The following ADAM23 variants were observed in gnomAD, a reference collection of about 807,000 sequenced individuals.
The protein encoded by ADAM23 is ADAM metallopeptidase domain 23, also known as disintegrin and metalloproteinase domain-containing protein 23.
Under a neutral mutation model 120.1 loss-of-function variants are expected in ADAM23, and 33 were observed. The observed-to-expected ratio is 0.27, with a 90% CI of 0.21 to 0.37. ADAM23 has a LOEUF of 0.37. Ranked by LOEUF, ADAM23 falls within the 10% of genes least tolerant of loss-of-function variation. The pLI is 1.00. For missense variants in ADAM23, 862 were observed against 1,058.2 expected, an observed-to-expected ratio of 0.81 and a Z score of 2.57; for synonymous variants, 367 against 375.2, an observed-to-expected ratio of 0.98 and a Z score of 0.25.
At chr2:206,586,786 C>T (rs1170794417) in intron 18 of ADAM23, among the ~76,000 whole-genome samples, 1 of 152,170 alleles carries the variant, frequency 6.6e-6, no homozygotes, top group Admixed American at 6.5e-5. Context: ...ACATCACAGA[C>T]TGTTCTAGTA....
intron 25 of ADAM23, among the ~76,000 whole-genome samples, chr2:206,617,121 C>G (rs1484831500): frequency 6.6e-6 from 1 of 152,112 alleles, no homozygotes; most frequent in African/African-American, 2.4e-5. Flanking sequence ...TTTTTGCCAC[C>G]TTGGTAAAGG....
intron 3 of ADAM23, among the ~76,000 whole-genome samples, chr2:206,497,770 A>G (rs1388574826): frequency 5.3e-5 from 8 of 152,198 alleles, no homozygotes; most frequent in Admixed American, 5.2e-4. Context: ...TCTCAGCCCA[A>G]AATCTCCTTA....
intron 3 of ADAM23, among the ~76,000 whole-genome samples, chr2:206,502,846 G>A (rs1034757159): frequency 1.3e-5 from 2 of 152,040 alleles, no homozygotes; most frequent in African/African-American, 4.8e-5. Context: ...ATGTTTAAAG[G>A]TCTGTCTGTA....
At chr2:206,576,824 A>G (rs1381853004) in intron 18 of ADAM23, among the ~76,000 whole-genome samples, 2 of 152,218 alleles carry the variant, frequency 1.3e-5, no homozygotes, top group Non-Finnish European at 2.9e-5. Context: ...ATCCTTGACA[A>G]ACAATACTGG....
At chr2:206,576,234 A>G (rs920361347) in intron 18 of ADAM23, among the ~76,000 whole-genome samples, 2 of 150,882 alleles carry the variant, frequency 1.3e-5, no homozygotes, top group East Asian at 3.9e-4. Context: ...TTAGCTTTGT[A>G]GAATACTACT....
intron 15 of ADAM23, 68 bp downstream of exon 15, chr2:206,567,390 T>C: frequency 7.8e-7 from 1 of 1,275,770 alleles, no homozygotes; most frequent in Non-Finnish European, 1.1e-6. Context: ...GCAACAGTGC[T>C]GGATATCAGA....
chr2:206,510,284 C>T (rs1402738085), intron 3 of ADAM23, among the ~76,000 whole-genome samples: 2 of 152,164 alleles, frequency 1.3e-5, no homozygotes, highest in Non-Finnish European at 2.9e-5. Context: ...CAGACAAATA[C>T]TGTATTTCTT....
At chr2:206,447,107 T>G (rs1695097168) in intron 2 of ADAM23, among the ~76,000 whole-genome samples, 2 of 152,172 alleles carry the variant, frequency 1.3e-5, no homozygotes, top group Admixed American at 6.5e-5. Context: ...ATAACTCAGA[T>G]GTTTGAGGCT....
At position 206,619,407 on chromosome 2, in the gene ADAM23, C is replaced by T. The variant is rs1699000184; in HGVS notation, c.*1780C>T. On this transcript the variant is annotated 3_prime_UTR_variant, in exon 26 of 26. Coordinates refer to ENST00000264377, the MANE Select transcript of ADAM23 (RefSeq NM_003812.4). ...ATAAGCTGAAGAAATTTGGTCCCGG[C>T]TTTGTTTTAATGTACAAACCGGTAT... The T allele has an allele frequency of 6.6e-6, 1 of 152,114 alleles. No individual in the cohort carries two copies. The highest frequency in any genetic ancestry group is 2.1e-4 in the South Asian group (1 of 4,824). The allele number at this position is 152,114 out of a possible 1,614,324, so 9.4% of individuals were successfully genotyped here.
chr2:206,561,719 GA>G (rs1559265097), intron 12 of ADAM23, among the ~76,000 whole-genome samples: 1 of 151,868 alleles, frequency 6.6e-6, no homozygotes, highest in Admixed American at 6.6e-5. Context: ...TTTTATAAAG[GA>G]AATTCTTAAT....
chr2:206,559,927 C>T (rs1293158352), intron 10 of ADAM23, 28 bp from the exon 11 acceptor site: 2 of 1,588,374 alleles, frequency 1.3e-6, no homozygotes, highest in Non-Finnish European at 1.7e-6. Flanking sequence ...TGTTTTCCTC[C>T]TGCACCTGTC....
chr2:206,585,832 CAAAG>C (rs982137298), intron 18 of ADAM23, among the ~76,000 whole-genome samples: 5 of 151,612 alleles, frequency 3.3e-5, no homozygotes, highest in South Asian at 4.2e-4. Context: ...GAAAAAAAAA[CAAAG>C]AAAAAAACTT....
intron 14 of ADAM23, among the ~76,000 whole-genome samples, 165 bp from the exon 15 acceptor site, chr2:206,567,058 C>T (rs1364841480): frequency 2.0e-5 from 3 of 152,164 alleles, no homozygotes; most frequent in Admixed American, 6.6e-5. Flanking sequence ...CAAACTCCAC[C>T]ACAGGTACTT....
At chr2:206,444,871 C>CTCT (rs1412060105) in intron 1 of ADAM23, among the ~76,000 whole-genome samples, 3 of 152,164 alleles carry the variant, frequency 2.0e-5, no homozygotes, top group Non-Finnish European at 2.9e-5. Flanking sequence ...GCGTTCTTAG[C>CTCT]TCTTGGATGG....
chr2:206,584,591 C>A (rs1264197140), intron 18 of ADAM23, among the ~76,000 whole-genome samples: 1 of 152,074 alleles, frequency 6.6e-6, no homozygotes, highest in Non-Finnish European at 1.5e-5. Flanking sequence ...CCCCATCCCC[C>A]ACAGCAACCA....
At chr2:206,529,850 C>G (rs1697015015) in intron 3 of ADAM23, among the ~76,000 whole-genome samples, 1 of 151,718 alleles carries the variant, frequency 6.6e-6, no homozygotes, top group African/African-American at 2.4e-5. Context: ...CTCACTCTGT[C>G]TCTCAGGATG....
At chr2:206,504,347 G>T (rs1159228637) in intron 3 of ADAM23, among the ~76,000 whole-genome samples, 1 of 152,076 alleles carries the variant, frequency 6.6e-6, no homozygotes, top group Non-Finnish European at 1.5e-5. Flanking sequence ...TGAACCTGTT[G>T]TATCAGCCCA....
chr2:206,477,008 A>T (rs999686724), intron 2 of ADAM23, among the ~76,000 whole-genome samples: 1 of 152,136 alleles, frequency 6.6e-6, no homozygotes, highest in African/African-American at 2.4e-5. Flanking sequence ...TTATGATTAG[A>T]TATAGAGTTA....
chr2:206,570,039 TAAAC>T (rs1320977427), intron 15 of ADAM23, among the ~76,000 whole-genome samples: 1 of 152,196 alleles, frequency 6.6e-6, no homozygotes, highest in African/African-American at 2.4e-5. Flanking sequence ...ATGTTTCTCA[TAAAC>T]AGTCAACTAC....
Sources: allele counts gnomAD v4.1 joint callset (sites outside exome capture counted in the v4.1 genomes callset), GRCh38; gene constraint gnomAD v4.1.1; transcripts MANE v1.5; gene names NCBI Gene and HGNC (gene_info 2026-07-23, HGNC 2026-07-21).